Variants in LGR5 observed in about 807,000 individuals in gnomAD.
The protein encoded by LGR5 is leucine-rich repeat-containing G protein-coupled receptor 5.
Under a neutral mutation model 76.7 loss-of-function variants are expected in LGR5, and 54 were observed. The ratio of observed to expected loss-of-function variants is 0.70; its 90% confidence interval spans 0.57 to 0.88. LGR5 has a LOEUF of 0.88. LGR5 is among the 40% of genes least tolerant of loss of function. The pLI, the probability that LGR5 is intolerant of heterozygous loss-of-function variation, is 0.00. For synonymous variants in LGR5, 406 were observed against 421.9 expected (o/e 0.96, Z 0.46); for missense variants, 1,078 against 1,073.3 (o/e 1.00, Z -0.06).
intron 3 of LGR5, among the ~76,000 whole-genome samples, chr12:71,525,290 T>A (rs965726216): frequency 1.3e-5 from 2 of 152,118 alleles, no homozygotes; most frequent in African/African-American, 4.8e-5. Context: ...AAAAAAACAG[T>A]TTATTCAATT....
Position 71,566,774 on chromosome 12 carries a change from G to A in LGR5, c.999-67G>A, listed in dbSNP as rs944193584. The A allele has an allele frequency of 4.4e-6, 7 of 1,575,878 alleles. No individual in the cohort carries two copies. The African/African-American group carries it at 9.4e-5, about 21-fold the overall frequency. ...TAGAGCTTGATCAGTCTTAACATCA[G>A]TGAGTCAAAATATGTCACTGTGTGA... On this transcript the variant is annotated intron_variant, in intron 10 of 17. Coordinates refer to ENST00000266674, the MANE Select transcript of LGR5 (RefSeq NM_003667.4).
intron 4 of LGR5, among the ~76,000 whole-genome samples, chr12:71,546,709 G>C (rs903638719): frequency 6.6e-6 from 1 of 152,118 alleles, no homozygotes; most frequent in Non-Finnish European, 1.5e-5. Context: ...ACTGCTATTA[G>C]AGTGACCTTT....
chr12:71,493,387 C>A (rs1456943399), intron 1 of LGR5, among the ~76,000 whole-genome samples: 2 of 151,218 alleles, frequency 1.3e-5, no homozygotes, highest in African/African-American at 4.9e-5. Context: ...TATGAGGATT[C>A]TCAATTCCTC....
chr12:71,506,459 G>C (rs1303089534), intron 2 of LGR5, among the ~76,000 whole-genome samples: 1 of 151,782 alleles, frequency 6.6e-6, no homozygotes, highest in African/African-American at 2.4e-5. Flanking sequence ...TCTGTTCTAA[G>C]GCCAGTTTTT....
At chr12:71,469,199 C>T (rs1872985429) in intron 1 of LGR5, among the ~76,000 whole-genome samples, 1 of 152,142 alleles carries the variant, frequency 6.6e-6, no homozygotes, top group African/African-American at 2.4e-5. Flanking sequence ...TGAAAAGTAA[C>T]CGACTTCCAA....
intron 2 of LGR5, among the ~76,000 whole-genome samples, chr12:71,506,033 C>A (rs1332705296): frequency 3.9e-5 from 6 of 152,010 alleles, no homozygotes; most frequent in African/African-American, 1.4e-4. Flanking sequence ...AATGAGAAAG[C>A]AAAATATGTA....
rs188161202 is a variant in LGR5 at position 71,523,369 on chromosome 12, G to T, written c.285-1037G>T. The stretch of plus-strand genomic sequence containing the variant: ...ATCTCCATCATAGTACCCAGCAGGG[G>T]GCTGGGTACTATGGCACACCCCTGT... On this transcript the variant is annotated intron_variant, in intron 2 of 17. Transcript: ENST00000266674. 1.2e-4 allele frequency among the ~76,000 whole-genome samples: 19 copies of T among 152,086 alleles called. No individual in the cohort carries two copies. In the South Asian group the frequency reaches 1.3e-3, roughly 10 times the overall value.
intron 1 of LGR5, among the ~76,000 whole-genome samples, chr12:71,462,454 T>C (rs1471726360): frequency 6.6e-6 from 1 of 152,162 alleles, no homozygotes; most frequent in African/African-American, 2.4e-5. Context: ...TTTCAACTTT[T>C]CTATTCAGGA....
rs774557479 is a variant in LGR5 at position 71,556,615 on chromosome 12, G to A, written c.645-4G>A. ...TCCTAACTATCTGTAATGTTCTACT[G>A]CAGACATCTCCATAACAATAGAATC... is the stretch of plus-strand genomic sequence containing the variant. On this transcript the variant is annotated splice_polypyrimidine_tract_variant and splice_region_variant and intron_variant, in intron 5 of 17. Coordinates refer to ENST00000266674, the MANE Select transcript of LGR5 (RefSeq NM_003667.4). The A allele has an allele frequency of 5.6e-6, 9 of 1,596,232 alleles. No individual in the cohort carries two copies. Among genetic ancestry groups the A allele is most frequent in the Non-Finnish European group, 7.7e-6 (9 of 1,163,748 alleles).
At position 71,578,707 on chromosome 12, in the gene LGR5, T is replaced by C. The variant is rs75707936; in HGVS notation, c.1281-97T>C. 5.6e-6 allele frequency: 7 copies of C among 1,246,612 alleles called. No homozygotes were observed. The African/African-American group carries it at 9.1e-5, about 16-fold the overall frequency. The allele number at this position is 1,246,612 out of a possible 1,614,324, so 77.2% of individuals were successfully genotyped here. A position where few individuals can be genotyped will look rare whatever the true frequency, so the allele number is the denominator to read the frequency against. Reference sequence around the variant, plus strand: ...TAAGGACCCTGCTTAGAAGTTTTTATTGAGTAGTTTAACGATCTTTAGGTT... The same window carrying C: ...TAAGGACCCTGCTTAGAAGTTTTTACTGAGTAGTTTAACGATCTTTAGGTT... On this transcript the variant is annotated intron_variant, in intron 14 of 17. Transcript: ENST00000266674.
chr12:71,455,591 CTTCT>C (rs1229039180), intron 1 of LGR5, among the ~76,000 whole-genome samples: 1 of 152,112 alleles, frequency 6.6e-6, no homozygotes, highest in Non-Finnish European at 1.5e-5. Context: ...ACAAGCAGAC[CTTCT>C]TTCTGCCTCT....
chr12:71,511,988 T>TTTTGTTTG (rs138561110), intron 2 of LGR5, among the ~76,000 whole-genome samples: 13,934 of 151,964 alleles, frequency 0.092, 676 homozygotes, highest in Non-Finnish European at 0.11. Flanking sequence ...GGTTTGTTTG[T>TTTTGTTTG]TTTGTTTGTT....
intron 2 of LGR5, among the ~76,000 whole-genome samples, chr12:71,519,155 G>A (rs981361420): frequency 2.0e-5 from 3 of 152,046 alleles, no homozygotes; most frequent in Admixed American, 1.3e-4. Flanking sequence ...CTCCAGCCAT[G>A]CTCGCCTCCT....
chr12:71,455,023 A>G (rs569367211), intron 1 of LGR5, among the ~76,000 whole-genome samples: 4 of 152,202 alleles, frequency 2.6e-5, no homozygotes, highest in African/African-American at 9.6e-5. Context: ...ACTAGATTAG[A>G]AGTCCAGGTC....
chr12:71,534,308 C>T (rs774745392), intron 3 of LGR5, among the ~76,000 whole-genome samples: 1 of 152,148 alleles, frequency 6.6e-6, no homozygotes, highest in Non-Finnish European at 1.5e-5. Context: ...AGCTTCCAGG[C>T]GTTTCCATTC....
chr12:71,536,816 G>A (rs960076681), intron 4 of LGR5, among the ~76,000 whole-genome samples: 6 of 152,312 alleles, frequency 3.9e-5, no homozygotes, highest in East Asian at 3.9e-4. Context: ...CCTGATAAAG[G>A]TGTTCAGATT....
chr12:71,515,895 A>C (rs1251445030), intron 2 of LGR5, among the ~76,000 whole-genome samples: 2 of 152,232 alleles, frequency 1.3e-5, no homozygotes, highest in Non-Finnish European at 2.9e-5. Flanking sequence ...TCCATGCTCC[A>C]TAAGAAGACT....
At chr12:71,520,906 G>A (rs1401773103) in intron 2 of LGR5, among the ~76,000 whole-genome samples, 1 of 149,382 alleles carries the variant, frequency 6.7e-6, no homozygotes, top group East Asian at 2.0e-4. Context: ...TAGTGTGGGA[G>A]GAAAATTTTA....
rs751024300 is a variant in LGR5 at position 71,583,805 on chromosome 12, A to T, written c.1795A>T (p.Ile599Phe). The change falls in exon 18 of 18, where the codon ATC becomes TTC. Residue 599 changes from isoleucine (I) to phenylalanine (F), a missense_variant. Physicochemically the swap from Ile to Phe is conservative, Grantham distance 21. Coordinates refer to ENST00000266674, the MANE Select transcript of LGR5 (RefSeq NM_003667.4). ...ISPIKLLIGV[I>F]AAVNMLTGVS... ...CCCCATTAAACTGTTAATTGGGGTC[A>T]TCGCAGCAGTGAACATGCTCACGGG... is the stretch of plus-strand genomic sequence containing the variant. The T allele has an allele frequency of 2.2e-5, 36 of 1,614,136 alleles. No homozygotes were observed. Among genetic ancestry groups the T allele is most frequent in the Non-Finnish European group, 3.0e-5 (35 of 1,180,028 alleles).
Sources: allele counts gnomAD v4.1 joint callset (sites outside exome capture counted in the v4.1 genomes callset), GRCh38; gene constraint gnomAD v4.1.1; transcripts MANE v1.5; gene names NCBI Gene and HGNC (gene_info 2026-07-23, HGNC 2026-07-21).